Variants in CBFA2T2 observed in about 807,000 individuals in gnomAD.
CBFA2T2 encodes CBFA2/RUNX1 partner transcriptional co-repressor 2.
A neutral mutation model predicts 62.2 loss-of-function variants in CBFA2T2; 11 were observed. That is an observed-to-expected ratio of 0.18 (90% CI 0.11 to 0.29). The LOEUF (loss-of-function observed/expected upper bound fraction) is 0.29, where lower values mean the gene tolerates loss of function less well. Among genes scored for constraint, CBFA2T2 ranks in the 10% least tolerant of loss-of-function variants. CBFA2T2 has a pLI of 1.00. For synonymous variants in CBFA2T2, 295 were observed against 287.5 expected, an observed-to-expected ratio of 1.03 and a Z score of -0.27; for missense variants, 592 against 774.1, an observed-to-expected ratio of 0.76 and a Z score of 2.79.
Position 33,631,583 on chromosome 20 carries a change from T to C in CBFA2T2, c.1228+1669T>C, listed in dbSNP as rs566561162. Among the ~76,000 whole-genome samples the C allele has an allele frequency of 9.2e-5, 14 of 152,356 alleles. No homozygotes were observed. The South Asian group carries it at 2.9e-3, about 32-fold the overall frequency. On this transcript the variant is annotated intron_variant, in intron 8 of 10. Transcript: ENST00000342704. ...CTTGCTGGAGTCATTCAGGTCTTGC[T>C]GGAGTCATTTAAACATGGCTATGCA...
At chr20:33,527,362 C>T (rs2011916740) in intron 1 of CBFA2T2, among the ~76,000 whole-genome samples, 1 of 139,108 alleles carries the variant, frequency 7.2e-6, no homozygotes, top group South Asian at 2.5e-4. Flanking sequence ...CCACCAGGCC[C>T]GACTGATTTT....
intron 1 of CBFA2T2, among the ~76,000 whole-genome samples, chr20:33,544,497 T>G (rs2012481977): frequency 6.6e-6 from 1 of 152,206 alleles, no homozygotes; most frequent in Admixed American, 6.5e-5. Flanking sequence ...CTTGCTAGTT[T>G]CAGAGAAGAC....
At chr20:33,517,072 C>T (rs1263400195) in intron 1 of CBFA2T2, among the ~76,000 whole-genome samples, 1 of 152,186 alleles carries the variant, frequency 6.6e-6, no homozygotes, top group Non-Finnish European at 1.5e-5. Flanking sequence ...ATGATGTTGC[C>T]AAGCACCATT....
intron 1 of CBFA2T2, among the ~76,000 whole-genome samples, chr20:33,600,992 A>G (rs763855055): frequency 1.2e-4 from 18 of 152,160 alleles, no homozygotes; most frequent in Non-Finnish European, 2.6e-4. Flanking sequence ...GAATTCCAGG[A>G]CATATTGTGA....
intron 10 of CBFA2T2, among the ~76,000 whole-genome samples, chr20:33,642,105 CTTTTTTTT>C (rs576434212): frequency 0.036 from 2,626 of 73,896 alleles, 83 homozygotes; most frequent in African/African-American, 0.11. Context: ...CCTCCTTTGT[CTTTTTTTT>C]TTTTGTGTGT....
At chr20:33,620,236 G>A (rs547796537) in intron 4 of CBFA2T2, among the ~76,000 whole-genome samples, 2 of 152,198 alleles carry the variant, frequency 1.3e-5, no homozygotes, top group East Asian at 1.9e-4. Context: ...GGCCAGTCAC[G>A]GTGGTTCACA....
intron 5 of CBFA2T2, among the ~76,000 whole-genome samples, chr20:33,623,506 C>T (rs762910864): frequency 2.0e-5 from 3 of 152,234 alleles, no homozygotes; most frequent in African/African-American, 7.2e-5. Flanking sequence ...GATCCTCTCA[C>T]CTCAGCCTCC....
At chr20:33,628,126 G>C (rs1245769106) in intron 6 of CBFA2T2, among the ~76,000 whole-genome samples, 2 of 152,106 alleles carry the variant, frequency 1.3e-5, no homozygotes, top group Non-Finnish European at 2.9e-5. Context: ...TTTCTTTAGG[G>C]CTATTTCGTG....
At chr20:33,566,462 C>T (rs950603373) in intron 1 of CBFA2T2, among the ~76,000 whole-genome samples, 3 of 151,876 alleles carry the variant, frequency 2.0e-5, no homozygotes, top group South Asian at 2.1e-4. Context: ...AAAAATTAGC[C>T]GGGCGTGGTG....
Position 33,601,134 on chromosome 20 carries a change from G to A in CBFA2T2, c.35-5822G>A, listed in dbSNP as rs1220530728. Among the ~76,000 whole-genome samples, 4 of 151,910 alleles carry A rather than the reference G, an allele frequency of 2.6e-5. No homozygotes were observed. In the East Asian group the frequency reaches 7.7e-4, roughly 29 times the overall value. ...ATGGCCTAAAATGATAAGCCTCCCC[G>A]CTCCCTTCTGTTAGTCTAATCCGCC... is the stretch of plus-strand genomic sequence containing the variant. On this transcript the variant is annotated intron_variant, in intron 1 of 10. Coordinates refer to ENST00000342704, the MANE Select transcript of CBFA2T2 (RefSeq NM_001032999.3).
chr20:33,535,629 T>A (rs1004781483), intron 1 of CBFA2T2, among the ~76,000 whole-genome samples: 5 of 149,796 alleles, frequency 3.3e-5, no homozygotes, highest in Admixed American at 6.7e-5. Flanking sequence ...TTTTCTTTTT[T>A]TTTTTGACCT....
Position 33,574,261 on chromosome 20 carries a change from G to C in CBFA2T2, c.35-32695G>C, listed in dbSNP as rs149392217. 18,028 of 1,611,434 alleles carry C rather than the reference G, an allele frequency of 0.011. 146 individuals are homozygous for C. The highest frequency in any genetic ancestry group is 0.014 in the Non-Finnish European group (16,411 of 1,178,012). ...ACAGGTCCTGGCAAGGCAATGGAAA[G>C]GTATGTGTGAAACATTCATTTCTAA... On this transcript the variant is annotated intron_variant, in intron 1 of 10. Coordinates refer to ENST00000342704, the MANE Select transcript of CBFA2T2 (RefSeq NM_001032999.3).
At chr20:33,544,399 A>C (rs936272938) in intron 1 of CBFA2T2, among the ~76,000 whole-genome samples, 1 of 152,002 alleles carries the variant, frequency 6.6e-6, no homozygotes, top group Non-Finnish European at 1.5e-5. Flanking sequence ...ACCTTATTTA[A>C]AACTGTGCCC....
chr20:33,546,082 A>T (rs1345255631), intron 1 of CBFA2T2, among the ~76,000 whole-genome samples: 1 of 152,214 alleles, frequency 6.6e-6, no homozygotes, highest in Non-Finnish European at 1.5e-5. Flanking sequence ...GATGATAATA[A>T]TGCTGAATTA....
At chr20:33,609,284 T>C (rs1244620349) in intron 2 of CBFA2T2, among the ~76,000 whole-genome samples, 1 of 152,148 alleles carries the variant, frequency 6.6e-6, no homozygotes, top group East Asian at 1.9e-4. Context: ...ACAGATCACT[T>C]GAGGTCAGGA....
intron 1 of CBFA2T2, among the ~76,000 whole-genome samples, chr20:33,511,800 C>T (rs1233648674): frequency 6.6e-6 from 1 of 152,166 alleles, no homozygotes; most frequent in African/African-American, 2.4e-5. Context: ...AGGAAGATCA[C>T]TTGAGCCCAG....
rs370821573 is a variant in CBFA2T2, at chr20:33,634,304, A to G, written c.1229-2336A>G. 2.0e-5 allele frequency among the ~76,000 whole-genome samples: 3 copies of G among 152,296 alleles called. No homozygotes were observed. The South Asian group carries it at 6.2e-4, about 32-fold the overall frequency. ...AAAGAAAAAGAATACTTAATCAGCT[A>G]TCAGTTTTTCCTCAGAATGACAGTC... is the stretch of plus-strand genomic sequence containing the variant. On this transcript the variant is annotated intron_variant, in intron 8 of 10. Transcript: ENST00000342704.
intron 1 of CBFA2T2, among the ~76,000 whole-genome samples, chr20:33,558,204 T>C (rs1011245201): frequency 4.0e-5 from 6 of 151,862 alleles, no homozygotes; most frequent in Non-Finnish European, 7.4e-5. Flanking sequence ...CGATCATGGC[T>C]CACTGCAACC....
At chr20:33,576,206 G>A (rs1196587729) in intron 1 of CBFA2T2, among the ~76,000 whole-genome samples, 1 of 152,226 alleles carries the variant, frequency 6.6e-6, no homozygotes, top group African/African-American at 2.4e-5. Context: ...AGTTTCTAAA[G>A]TGCCAGAGAC....
Sources: allele counts gnomAD v4.1 joint callset (sites outside exome capture counted in the v4.1 genomes callset), GRCh38; gene constraint gnomAD v4.1.1; transcripts MANE v1.5; gene names NCBI Gene and HGNC (gene_info 2026-07-23, HGNC 2026-07-21).